The following KCNU1 variants were observed in gnomAD, a reference collection of about 807,000 sequenced individuals.
KCNU1 encodes potassium calcium-activated channel subfamily U member 1.
KCNU1 carries 93 observed loss-of-function variants against 126.8 expected under a neutral mutation model. That is an observed-to-expected ratio of 0.73 (90% confidence interval 0.62 to 0.87). The LOEUF (loss-of-function observed/expected upper bound fraction) is 0.87. KCNU1 is among the 40% of genes least tolerant of loss of function. The probability of loss-of-function intolerance (pLI) is 0.00; values close to 1 mark genes in which losing one functional copy is unlikely to be tolerated. For synonymous variants in KCNU1, 523 were observed against 494.2 expected (o/e 1.06, Z -0.77); for missense variants, 1,330 against 1,367.1 (o/e 0.97, Z 0.43).
chr8:36,809,089 G>C (rs907260565), intron 7 of KCNU1, among the ~76,000 whole-genome samples: 1 of 151,968 alleles, frequency 6.6e-6, no homozygotes, highest in Non-Finnish European at 1.5e-5. Flanking sequence ...ATCTTATAAG[G>C]GTTCTAGCAT....
intron 19 of KCNU1, among the ~76,000 whole-genome samples, chr8:36,879,898 T>A (rs1163981437): frequency 6.6e-6 from 1 of 152,204 alleles, no homozygotes; most frequent in Non-Finnish European, 1.5e-5. Context: ...AACTTAGATG[T>A]TATTCACTCC....
At chr8:36,793,853 A>C (rs910769545) in intron 2 of KCNU1, among the ~76,000 whole-genome samples, 7 of 152,012 alleles carry the variant, frequency 4.6e-5, no homozygotes, top group African/African-American at 1.7e-4. Flanking sequence ...CAGGAGTTTG[A>C]GACAAGCCTG....
chr8:36,920,413 C>T (rs767312823), intron 23 of KCNU1, among the ~76,000 whole-genome samples: 6 of 152,136 alleles, frequency 3.9e-5, no homozygotes, highest in South Asian at 2.1e-4. Flanking sequence ...AGAGTGGTTG[C>T]GAAGAAATCA....
intron 21 of KCNU1, among the ~76,000 whole-genome samples, chr8:36,910,090 C>A (rs370028551): frequency 6.6e-6 from 1 of 152,242 alleles, no homozygotes; most frequent in Admixed American, 6.5e-5. Context: ...ATGTCCCACT[C>A]TATGCCACCA....
At position 36,922,631 on chromosome 8, in the gene KCNU1, T is replaced by G; in HGVS notation, c.2736+2T>G. 6.2e-7 allele frequency: 1 copy of G among 1,611,852 alleles called. No homozygotes were observed. The highest frequency in any genetic ancestry group is 8.5e-7 in the Non-Finnish European group (1 of 1,178,928). On this transcript the variant is annotated splice_donor_variant, in intron 24 of 26. Coordinates refer to ENST00000399881, the MANE Select transcript of KCNU1 (RefSeq NM_001031836.3). LOFTEE classifies it high-confidence loss of function. ...TTCTTGGATTCTCTGCTGGCCACGGTAAGAAAAGCTAAGCCATGGAGCCCC... is the reference window on the plus strand; with the variant it reads ...TTCTTGGATTCTCTGCTGGCCACGGGAAGAAAAGCTAAGCCATGGAGCCCC...
At chr8:36,826,126 A>G (rs1185282722) in intron 10 of KCNU1, among the ~76,000 whole-genome samples, 1 of 151,606 alleles carries the variant, frequency 6.6e-6, no homozygotes, top group African/African-American at 2.4e-5. Context: ...CGGGATTCTA[A>G]TTACAGGTTA....
chr8:36,921,745 T>C (rs1174041174), intron 23 of KCNU1, among the ~76,000 whole-genome samples: 1 of 151,632 alleles, frequency 6.6e-6, no homozygotes, highest in African/African-American at 2.4e-5. Flanking sequence ...CCAGCGGTAT[T>C]CACCTCAGAG....
intron 2 of KCNU1, among the ~76,000 whole-genome samples, chr8:36,802,108 CAAAAAAAAAAAAAAA>C (rs749026223): frequency 2.8e-5 from 2 of 72,358 alleles, no homozygotes; most frequent in Non-Finnish European, 5.5e-5. Context: ...AACTCCGTCT[CAAAAAAAAAAAAAAA>C]AAAAAAAAAG....
Position 36,846,405 on chromosome 8 carries a change from T to G in KCNU1, c.1891+506T>G, listed in dbSNP as rs186081052. Among the ~76,000 whole-genome samples the G allele has an allele frequency of 5.2e-3, 798 of 152,312 alleles. 8 individuals are homozygous for G. The highest frequency in any genetic ancestry group is 0.011 in the Admixed American group (168 of 15,298). ...CCGAGGGAATGTAATTTTCTCTATT[T>G]TCTCTAACTGAACTCAGCAGTTTAC... On this transcript the variant is annotated intron_variant, in intron 18 of 26. Coordinates refer to ENST00000399881, the MANE Select transcript of KCNU1 (RefSeq NM_001031836.3).
intron 19 of KCNU1, among the ~76,000 whole-genome samples, chr8:36,887,378 T>G (rs1806747399): frequency 6.6e-6 from 1 of 152,144 alleles, no homozygotes; most frequent in African/African-American, 2.4e-5. Context: ...TGCATTTATC[T>G]GATGATTAGT....
intron 14 of KCNU1, 51 bp downstream of exon 14, chr8:36,836,996 T>C: frequency 3.2e-6 from 5 of 1,580,572 alleles, no homozygotes; most frequent in Non-Finnish European, 4.3e-6. Flanking sequence ...ATGTCCTACA[T>C]ATTAAGATCA....
chr8:36,881,379 T>C (rs761204277), intron 19 of KCNU1, among the ~76,000 whole-genome samples: 10 of 152,130 alleles, frequency 6.6e-5, no homozygotes, highest in Non-Finnish European at 1.2e-4. Flanking sequence ...TGAGCCACCA[T>C]GCCCAGCTAA....
intron 19 of KCNU1, among the ~76,000 whole-genome samples, chr8:36,876,178 C>A (rs111744848): frequency 1.1e-4 from 17 of 152,238 alleles, no homozygotes; most frequent in African/African-American, 3.9e-4. Context: ...TCATGCATCC[C>A]CTAGGCCGAC....
At chr8:36,889,072 T>C in intron 19 of KCNU1, 1 of 524,552 alleles carries the variant, frequency 1.9e-6, no homozygotes, top group South Asian at 1.4e-5. Context: ...AGAGACAGGG[T>C]TTCACCATGT....
rs190866322 is a variant in KCNU1, at chr8:36,881,246, G to A, written c.2009+16725G>A. 4.2e-3 allele frequency among the ~76,000 whole-genome samples: 634 copies of A among 152,178 alleles called. 3 individuals carry two copies. Among genetic ancestry groups the A allele is most frequent in the African/African-American group, 0.015 (614 of 41,542 alleles). On this transcript the variant is annotated intron_variant, in intron 19 of 26. Transcript: ENST00000399881. Reference sequence around the variant, plus strand: ...AGGCCAGCCAACTGTTTTTTTGTTTGTTTGTTTTTGTTTTTGAGACAGCAT... The same window carrying A: ...AGGCCAGCCAACTGTTTTTTTGTTTATTTGTTTTTGTTTTTGAGACAGCAT...
chr8:36,836,855 T>C lies in KCNU1; in HGVS notation c.1428T>C (p.Ala476=), dbSNP rs769126771. The C allele has an allele frequency of 5.6e-6, 9 of 1,613,754 alleles. No homozygotes were observed. Among genetic ancestry groups the C allele is most frequent in the Non-Finnish European group, 6.8e-6 (8 of 1,179,798 alleles). The change falls in exon 14 of 27, where the codon GCT becomes GCC. Residue 476 remains alanine, a synonymous_variant. Coordinates refer to ENST00000399881, the MANE Select transcript of KCNU1 (RefSeq NM_001031836.3). ...CCGGAGACAACATCATCTGCTTTGC[T>C]GAATTAAAACTTGGATTTATCGCCC... ...WDTGDNIICF[A]ELKLGFIAQG...
At chr8:36,863,128 CCTT>C (rs1342464925) in intron 18 of KCNU1, among the ~76,000 whole-genome samples, 3 of 152,272 alleles carry the variant, frequency 2.0e-5, no homozygotes, top group Non-Finnish European at 2.9e-5. Flanking sequence ...CAAAGGATGT[CCTT>C]CTTCTTCCAG....
At chr8:36,845,776 A>C in intron 17 of KCNU1, 26 bp from the exon 18 acceptor site, 2 of 1,556,484 alleles carry the variant, frequency 1.3e-6, no homozygotes, top group Non-Finnish European at 1.8e-6. Context: ...CACATAATTC[A>C]TTCTTGGTTT....
intron 22 of KCNU1, among the ~76,000 whole-genome samples, chr8:36,916,053 G>T (rs2406954): frequency 6.6e-6 from 1 of 150,588 alleles, no homozygotes; most frequent in African/African-American, 2.4e-5. Flanking sequence ...AAAAAGGAAG[G>T]GAGAAGAGGG....
Sources: gnomAD v4.1 joint callset for allele counts (sites outside exome capture counted in the v4.1 genomes callset) on GRCh38, gnomAD v4.1.1 for gene constraint, MANE v1.5 for transcripts, NCBI Gene and HGNC (gene_info 2026-07-23, HGNC 2026-07-21) for gene names.